The following STK3 variants were observed in gnomAD, a reference collection of about 807,000 sequenced individuals.
The protein encoded by STK3 is serine/threonine-protein kinase 3.
In STK3, 41 loss-of-function variants were observed where a neutral mutation model predicts 58.0. The ratio of observed to expected loss-of-function variants is 0.71; its 90% CI spans 0.55 to 0.92. The LOEUF is 0.92. STK3 is among the 40% of genes least tolerant of loss of function. The probability of loss-of-function intolerance (pLI) is 0.00; values close to 1 mark genes in which losing one functional copy is unlikely to be tolerated. For synonymous variants in STK3, 170 were observed against 191.0 expected (o/e 0.89, Z 0.91); for missense variants, 479 against 602.7 (o/e 0.79, Z 2.15).
At chr8:98,543,006 C>G (rs1009130844) in intron 9 of STK3, among the ~76,000 whole-genome samples, 2 of 152,176 alleles carry the variant, frequency 1.3e-5, no homozygotes, top group Non-Finnish European at 2.9e-5. Context: ...AACAAAAGCA[C>G]ACGCTCACAA....
intron 1 of STK3, among the ~76,000 whole-genome samples, chr8:98,910,249 G>T (rs1035331333): frequency 3.9e-5 from 6 of 152,144 alleles, no homozygotes; most frequent in Non-Finnish European, 5.9e-5. Context: ...ACATAGGTAT[G>T]TATTAATATA....
intron 6 of STK3, among the ~76,000 whole-genome samples, chr8:98,649,454 T>C (rs1022888360): frequency 6.6e-6 from 1 of 152,210 alleles, no homozygotes; most frequent in Non-Finnish European, 1.5e-5. Context: ...ATTCATATTC[T>C]TCCATGTAAG....
At chr8:98,564,046 C>T (rs1812273597) in intron 8 of STK3, among the ~76,000 whole-genome samples, 2 of 152,096 alleles carry the variant, frequency 1.3e-5, no homozygotes, top group East Asian at 1.9e-4. Flanking sequence ...TGACATGCTA[C>T]CTCAGTCATG....
chr8:98,466,877 A>G (rs1259099942), intron 10 of STK3, among the ~76,000 whole-genome samples: 1 of 152,152 alleles, frequency 6.6e-6, no homozygotes, highest in Non-Finnish European at 1.5e-5. Context: ...TAAAGAGATC[A>G]TGGAAGTTCT....
At chr8:98,829,470 T>C (rs548184801), upstream of STK3, among the ~76,000 whole-genome samples, 19 of 152,318 alleles carry the variant, frequency 1.2e-4, no homozygotes, top group African/African-American at 4.1e-4. Flanking sequence ...CTGAGGTCTT[T>C]CCTCAACTTG....
At chr8:98,421,097 T>A (rs1818168283) in intron 3 of STK3, among the ~76,000 whole-genome samples, 1 of 152,152 alleles carries the variant, frequency 6.6e-6, no homozygotes, top group East Asian at 1.9e-4. Flanking sequence ...GCTCCTCCAC[T>A]CCCTGAACGC....
At chr8:98,701,050 T>A (rs992486578) in intron 6 of STK3, among the ~76,000 whole-genome samples, 1 of 151,972 alleles carries the variant, frequency 6.6e-6, no homozygotes, top group African/African-American at 2.4e-5. Flanking sequence ...GCACCTGTAG[T>A]TCCAGGTATT....
intron 10 of STK3, among the ~76,000 whole-genome samples, chr8:98,477,649 A>G: frequency 7.6e-6 from 1 of 131,870 alleles, no homozygotes; most frequent in African/African-American, 2.9e-5. Flanking sequence ...GGGAAGCTGA[A>G]ATTCTGTGGT....
downstream of STK3, among the ~76,000 whole-genome samples, chr8:98,449,976 C>G (rs1819127378): frequency 6.6e-6 from 1 of 152,168 alleles, no homozygotes; most frequent in Non-Finnish European, 1.5e-5. Flanking sequence ...CATCATGGTT[C>G]TTGACGTTCC....
At chr8:98,772,022 T>C (rs967042197) in intron 2 of STK3, among the ~76,000 whole-genome samples, 1 of 152,190 alleles carries the variant, frequency 6.6e-6, no homozygotes, top group Non-Finnish European at 1.5e-5. Context: ...TTTTTTGCCT[T>C]TCTTTGTTAG....
At chr8:98,467,805 T>C (rs1820600137) in intron 10 of STK3, among the ~76,000 whole-genome samples, 1 of 152,146 alleles carries the variant, frequency 6.6e-6, no homozygotes, top group South Asian at 2.1e-4. Flanking sequence ...ATAAATACCA[T>C]AGTTGACTCT....
chr8:98,375,820 A>G (rs1328341598), intron 2 of STK3, among the ~76,000 whole-genome samples: 1 of 152,158 alleles, frequency 6.6e-6, no homozygotes, highest in Admixed American at 6.5e-5. Context: ...ACTGGAGGAC[A>G]TTTGGTTTGT....
chr8:98,736,964 A>T (rs1464915987), intron 4 of STK3, among the ~76,000 whole-genome samples: 1 of 152,226 alleles, frequency 6.6e-6, no homozygotes, highest in African/African-American at 2.4e-5. Flanking sequence ...TAGTATATAC[A>T]TAATCAAATG....
intron 6 of STK3, among the ~76,000 whole-genome samples, chr8:98,621,816 A>C (rs1201624702): frequency 2.0e-5 from 3 of 152,146 alleles, no homozygotes; most frequent in Non-Finnish European, 2.9e-5. Context: ...CTATATAGCT[A>C]GTCCCAGAAT....
the STK3 span, among the ~76,000 whole-genome samples, chr8:98,349,186 T>C: frequency 2.0e-5 from 3 of 152,212 alleles, no homozygotes; most frequent in Admixed American, 6.5e-5. Flanking sequence ...CTATATGACA[T>C]TCTAGAAAAG....
rs570974545 is a variant in STK3, at chr8:98,401,982, A to T, written n.484-469T>A. On this transcript the variant is annotated intron_variant and non_coding_transcript_variant, in intron 3 of 3. Transcript: ENST00000517832. ...AAGAAGAAAGTAAAAATTACCCCCA[A>T]ATCCCACTACACGGTGATAACCACT... 3.9e-5 allele frequency among the ~76,000 whole-genome samples: 6 copies of T among 152,274 alleles called. No individual in the cohort carries two copies. In the South Asian group the frequency reaches 1.2e-3, roughly 32 times the overall value.
intron 10 of STK3, among the ~76,000 whole-genome samples, chr8:98,492,975 A>C (rs1822819362): frequency 6.6e-6 from 1 of 152,096 alleles, no homozygotes; most frequent in Non-Finnish European, 1.5e-5. Flanking sequence ...TCACACCTGT[A>C]ATCCCAGCAC....
intron 6 of STK3, among the ~76,000 whole-genome samples, chr8:98,677,853 A>G (rs1823341450): frequency 6.6e-6 from 1 of 152,184 alleles, no homozygotes; most frequent in Admixed American, 6.5e-5. Flanking sequence ...TATGAATACC[A>G]TCAGCACAAG....
At chr8:98,681,249 G>A (rs1823621895) in intron 6 of STK3, among the ~76,000 whole-genome samples, 1 of 151,762 alleles carries the variant, frequency 6.6e-6, no homozygotes, top group Non-Finnish European at 1.5e-5. Flanking sequence ...CAACCACCTC[G>A]ACCTCCCAAA....
Sources: gnomAD v4.1 joint callset for allele counts (sites outside exome capture counted in the v4.1 genomes callset) on GRCh38, gnomAD v4.1.1 for gene constraint, MANE v1.5 for transcripts, NCBI Gene and HGNC (gene_info 2026-07-23, HGNC 2026-07-21) for gene names.